ZNF407: variants seen among roughly 807,000 people sequenced by gnomAD.
ZNF407 encodes zinc finger protein 407.
A neutral mutation model predicts 131.2 loss-of-function variants in ZNF407; 17 were observed. The ratio of observed to expected loss-of-function variants is 0.13; its 90% CI spans 0.09 to 0.19. ZNF407 has a LOEUF of 0.19. Ranked by LOEUF, ZNF407 falls within the 10% of genes least tolerant of loss-of-function variation. The pLI, the probability that ZNF407 is intolerant of heterozygous loss-of-function variation, is 1.00. For synonymous variants in ZNF407, 1,156 were observed against 1,062.0 expected (o/e 1.09, Z -1.72); for missense variants, 2,681 against 2,830.6 (o/e 0.95, Z 1.20).
intron 1 of ZNF407, among the ~76,000 whole-genome samples, chr18:74,601,500 A>G (rs756720206): frequency 7.2e-5 from 11 of 152,108 alleles, no homozygotes; most frequent in Non-Finnish European, 1.5e-4. Flanking sequence ...AGGCTGGGTA[A>G]TATACAAAGA....
intron 1 of ZNF407, among the ~76,000 whole-genome samples, chr18:74,611,925 C>A (rs1457491648): frequency 6.6e-6 from 1 of 152,084 alleles, no homozygotes; most frequent in Admixed American, 6.5e-5. Flanking sequence ...CGCATGAGTG[C>A]CTGGAGACAT....
At position 74,696,868 on chromosome 18, in the gene ZNF407, C is replaced by T. The variant is rs140489795; in HGVS notation, c.4802+55746C>T. The stretch of plus-strand genomic sequence containing the variant: ...AGGCTGTGATATTACAAGCATCCTT[C>T]ACAGACCTTTTTTGTTAAGTTTTTC... On this transcript the variant is annotated intron_variant, in intron 3 of 8. Transcript: ENST00000299687. Among the ~76,000 whole-genome samples the T allele has an allele frequency of 6.1e-3, 933 of 152,224 alleles. 10 individuals carry two copies. Among genetic ancestry groups the T allele is most frequent in the African/African-American group, 0.02 (834 of 41,558 alleles).
intron 3 of ZNF407, among the ~76,000 whole-genome samples, chr18:74,654,696 T>TG (rs1985375083): frequency 6.6e-6 from 1 of 151,872 alleles, no homozygotes; most frequent in Non-Finnish European, 1.5e-5. Context: ...TTTGAGATCA[T>TG]GAGGCTGATA....
chr18:75,022,177 A>T (rs1240679402), intron 8 of ZNF407, among the ~76,000 whole-genome samples: 1 of 152,212 alleles, frequency 6.6e-6, no homozygotes, highest in African/African-American at 2.4e-5. Flanking sequence ...ACAATAAAAG[A>T]TACATAAACA....
intron 3 of ZNF407, among the ~76,000 whole-genome samples, chr18:74,687,617 TAAAC>T (rs980764982): frequency 2.3e-4 from 35 of 152,296 alleles, no homozygotes; most frequent in African/African-American, 7.5e-4. Flanking sequence ...TATAAGGAAT[TAAAC>T]AAAGATAATT....
At chr18:74,646,868 C>T (rs551885411) in intron 3 of ZNF407, among the ~76,000 whole-genome samples, 1 of 152,214 alleles carries the variant, frequency 6.6e-6, no homozygotes, top group East Asian at 1.9e-4. Context: ...AAGGACAGCT[C>T]TTGTCTCCAT....
chr18:74,954,634 G>A (rs1471329977), intron 8 of ZNF407, among the ~76,000 whole-genome samples: 1 of 152,092 alleles, frequency 6.6e-6, no homozygotes, highest in Admixed American at 6.5e-5. Context: ...AAGCAGTGAA[G>A]TTATATTGGA....
intron 6 of ZNF407, among the ~76,000 whole-genome samples, chr18:74,882,022 C>T (rs1440256289): frequency 1.3e-5 from 2 of 152,144 alleles, no homozygotes; most frequent in Non-Finnish European, 2.9e-5. Flanking sequence ...TATTCACTAT[C>T]AGGAGAACAG....
chr18:74,648,582 A>G (rs1200966121), intron 3 of ZNF407, among the ~76,000 whole-genome samples: 1 of 152,234 alleles, frequency 6.6e-6, no homozygotes, highest in Non-Finnish European at 1.5e-5. Context: ...GGAATTGGTC[A>G]GGGAGAATTA....
intron 3 of ZNF407, among the ~76,000 whole-genome samples, chr18:74,736,222 G>T (rs1433676648): frequency 6.6e-6 from 1 of 152,054 alleles, no homozygotes; most frequent in Non-Finnish European, 1.5e-5. Context: ...AGAGCTTGCT[G>T]TGTTTTGCAC....
At chr18:75,040,649 C>T (rs1973362083) in intron 8 of ZNF407, among the ~76,000 whole-genome samples, 1 of 152,194 alleles carries the variant, frequency 6.6e-6, no homozygotes, top group African/African-American at 2.4e-5. Context: ...TGATACTCTG[C>T]AGATAGACCC....
rs1985965222 is a variant in ZNF407 at position 74,667,214 on chromosome 18, A to C, written c.4802+26092A>C. ...CTGCCTCTGCTCCTCGTCTGTTTCCAGTGTGTGGAGTCCGGTGTGCTGACT... is the reference window on the plus strand; with the variant it reads ...CTGCCTCTGCTCCTCGTCTGTTTCCCGTGTGTGGAGTCCGGTGTGCTGACT... On this transcript the variant is annotated intron_variant, in intron 3 of 8. Coordinates refer to ENST00000299687, the MANE Select transcript of ZNF407 (RefSeq NM_017757.3). Among the ~76,000 whole-genome samples, 8 of 152,154 alleles carry C rather than the reference A, an allele frequency of 5.3e-5. No homozygotes were observed. The South Asian group carries it at 1.5e-3, about 28-fold the overall frequency.
chr18:74,600,832 A>C (rs1568309403), intron 1 of ZNF407, among the ~76,000 whole-genome samples: 1 of 152,236 alleles, frequency 6.6e-6, no homozygotes, highest in Non-Finnish European at 1.5e-5. Flanking sequence ...ATAAGGCTGG[A>C]GAGGCCCTCT....
intron 3 of ZNF407, among the ~76,000 whole-genome samples, chr18:74,646,719 A>G (rs1006404909): frequency 6.6e-6 from 1 of 152,216 alleles, no homozygotes; most frequent in African/African-American, 2.4e-5. Flanking sequence ...TGGTTATACT[A>G]TTCACATATA....
intron 1 of ZNF407, among the ~76,000 whole-genome samples, chr18:74,605,885 G>A (rs1982783336): frequency 6.6e-6 from 1 of 152,216 alleles, no homozygotes; most frequent in Non-Finnish European, 1.5e-5. Context: ...AGTGTGACAA[G>A]CAAGGAGATT....
Position 74,643,996 on chromosome 18 carries a change from A to G in ZNF407, c.4802+2874A>G, listed in dbSNP as rs151338030. Among the ~76,000 whole-genome samples, 218 of 152,080 alleles carry G rather than the reference A, an allele frequency of 1.4e-3. 1 individual carries two copies. Among genetic ancestry groups the G allele is most frequent in the Non-Finnish European group, 2.6e-3 (179 of 67,838 alleles). The stretch of plus-strand genomic sequence containing the variant: ...AGAAGCTGAATGTATTAGATGCCTA[A>G]TTCCTATTAGGTCGTTAGGATTAAG... On this transcript the variant is annotated intron_variant, in intron 3 of 8. Transcript: ENST00000299687.
intron 3 of ZNF407, among the ~76,000 whole-genome samples, chr18:74,780,448 A>G (rs1352647905): frequency 6.6e-6 from 1 of 152,206 alleles, no homozygotes; most frequent in East Asian, 1.9e-4. Flanking sequence ...ATAACATGCC[A>G]ATTTGATTTG....
At chr18:74,654,500 T>A (rs895498088) in intron 3 of ZNF407, among the ~76,000 whole-genome samples, 1 of 151,874 alleles carries the variant, frequency 6.6e-6, no homozygotes, top group Non-Finnish European at 1.5e-5. Flanking sequence ...GGAACTCACT[T>A]GCCAGCTAAT....
chr18:75,015,789 T>C (rs1973037229), intron 8 of ZNF407, among the ~76,000 whole-genome samples: 1 of 151,920 alleles, frequency 6.6e-6, no homozygotes, highest in Non-Finnish European at 1.5e-5. Context: ...CTTCAATTAC[T>C]GGAATTTCAC....
Sources: gnomAD v4.1 joint callset for allele counts (sites outside exome capture counted in the v4.1 genomes callset) on GRCh38, gnomAD v4.1.1 for gene constraint, MANE v1.5 for transcripts, NCBI Gene and HGNC (gene_info 2026-07-23, HGNC 2026-07-21) for gene names.